RTL9: variants seen among roughly 807,000 people sequenced by gnomAD.
RTL9 encodes retrotransposon Gag like 9.
RTL9 carries 19 observed loss-of-function variants against 44.7 expected under a neutral mutation model. The observed-to-expected ratio is 0.42, with a 90% CI of 0.30 to 0.62. The LOEUF is 0.62. RTL9 is among the 20% of genes least tolerant of loss of function. The probability of loss-of-function intolerance (pLI) is 0.16; values close to 1 mark genes in which losing one functional copy is unlikely to be tolerated. For missense variants in RTL9, 1,105 were observed against 1,080.6 expected (o/e 1.02, Z -0.32); for synonymous variants, 407 against 398.9 (o/e 1.02, Z -0.24).
intron 1 of RTL9, among the ~76,000 whole-genome samples, chrX:110,367,316 T>G (rs986864271): frequency 8.9e-6 from 1 of 111,989 alleles, no homozygotes; most frequent in Non-Finnish European, 1.9e-5. Context: ...CGTTCCAATT[T>G]CTCTCCTCTC....
intron 1 of RTL9, among the ~76,000 whole-genome samples, chrX:110,407,803 T>G (rs1282255604): frequency 4.4e-5 from 5 of 112,546 alleles, no homozygotes; most frequent in Admixed American, 3.7e-4. Flanking sequence ...CTCATTTTCT[T>G]TCTATTTGCA....
At chrX:110,395,524 G>A (rs1238719690) in intron 1 of RTL9, among the ~76,000 whole-genome samples, 1 of 112,579 alleles carries the variant, frequency 8.9e-6, no homozygotes, top group Non-Finnish European at 1.9e-5. Flanking sequence ...TTTAACAGAA[G>A]AGGATACAAA....
intron 1 of RTL9, among the ~76,000 whole-genome samples, chrX:110,412,873 T>C (rs2068650312): frequency 8.9e-6 from 1 of 112,316 alleles, no homozygotes; most frequent in South Asian, 3.7e-4. Flanking sequence ...CTGTCAACAC[T>C]GGGGAGTAGA....
At chrX:110,373,079 A>G (rs927033688) in intron 1 of RTL9, among the ~76,000 whole-genome samples, 3 of 111,920 alleles carry the variant, frequency 2.7e-5, no homozygotes, top group African/African-American at 9.7e-5. Flanking sequence ...CATCACAGAA[A>G]CCCTATGATA....
chrX:110,360,072 A>G (rs2068253037), intron 1 of RTL9, among the ~76,000 whole-genome samples: 1 of 111,830 alleles, frequency 8.9e-6, no homozygotes, highest in South Asian at 3.8e-4. Flanking sequence ...AGAGGCAAGC[A>G]TTCTAGGAGT....
At chrX:110,400,680 T>C (rs2068558427) in intron 1 of RTL9, among the ~76,000 whole-genome samples, 1 of 112,113 alleles carries the variant, frequency 8.9e-6, no homozygotes, top group Non-Finnish European at 1.9e-5. Context: ...ATTTTCTCTG[T>C]GAAGCTTTCT....
intron 1 of RTL9, among the ~76,000 whole-genome samples, chrX:110,444,709 G>A (rs1167226512): frequency 5.3e-5 from 6 of 112,184 alleles, no homozygotes; most frequent in African/African-American, 1.3e-4. Context: ...GCAAGTCTGG[G>A]AACCTGGTCT....
chrX:110,444,557 C>T (rs1194038439), intron 1 of RTL9, among the ~76,000 whole-genome samples: 3 of 112,321 alleles, frequency 2.7e-5, no homozygotes, highest in African/African-American at 6.5e-5. Flanking sequence ...AGGTTATTTC[C>T]TTCTCTTTTG....
rs753036871 is a variant in RTL9, at chrX:110,404,362, T to G, written c.-167-40791T>G. 4.5e-5 allele frequency among the ~76,000 whole-genome samples: 5 copies of G among 111,817 alleles called. No homozygotes were observed. The East Asian group carries it at 1.4e-3, about 31-fold the overall frequency. Reference sequence around the variant, plus strand: ...ATAGGGCTGCAAAGAGCCCAGCTATTACACATAATAGGCCTCTGGTTTCTA... The same window carrying G: ...ATAGGGCTGCAAAGAGCCCAGCTATGACACATAATAGGCCTCTGGTTTCTA... On this transcript the variant is annotated intron_variant, in intron 1 of 2. Transcript: ENST00000520821.
intron 1 of RTL9, among the ~76,000 whole-genome samples, chrX:110,390,024 A>G (rs1329470153): frequency 9.0e-6 from 1 of 111,718 alleles, no homozygotes; most frequent in Non-Finnish European, 1.9e-5. Context: ...ATTAACCATT[A>G]GTTGTTTTTT....
chrX:110,404,735 A>G (rs2068586746), intron 1 of RTL9, among the ~76,000 whole-genome samples: 1 of 111,549 alleles, frequency 9.0e-6, no homozygotes, highest in South Asian at 3.8e-4. Flanking sequence ...CATTAAATTC[A>G]GGGAGTGAAC....
At position 110,453,645 on chromosome X, in the gene RTL9, G is replaced by A. The variant is rs148401387; in HGVS notation, c.3028G>A (p.Val1010Met). Reference sequence around the variant, plus strand: ...GTCCTTGTCACAAACAACATATACCGTGTCTGGAAGGATGGCCACAGCGCC... The same window carrying A: ...GTCCTTGTCACAAACAACATATACCATGTCTGGAAGGATGGCCACAGCGCC... The change falls in exon 1 of 2, where the codon GTG (valine) becomes ATG (methionine). Residue 1010 changes from valine to methionine, a missense_variant. Coordinates refer to ENST00000540313, the Ensembl canonical transcript of RTL9. 5.1e-5 allele frequency: 62 copies of A among 1,210,468 alleles called. 1 individual carries two copies. In the African/African-American group the frequency reaches 5.2e-4, roughly 10 times the overall value.
chrX:110,427,581 C>T (rs754946388), intron 1 of RTL9, among the ~76,000 whole-genome samples: 1 of 111,941 alleles, frequency 8.9e-6, no homozygotes, highest in East Asian at 2.8e-4. Context: ...AGTTCTAATG[C>T]CTCTCCTGCA....
At chrX:110,386,906 A>G (rs2068459403) in intron 1 of RTL9, among the ~76,000 whole-genome samples, 1 of 112,431 alleles carries the variant, frequency 8.9e-6, no homozygotes, top group Non-Finnish European at 1.9e-5. Flanking sequence ...AACTTAAATA[A>G]TTATAACATG....
chrX:110,374,463 T>A (rs1406875426), intron 1 of RTL9, among the ~76,000 whole-genome samples: 1 of 112,171 alleles, frequency 8.9e-6, no homozygotes, highest in Non-Finnish European at 1.9e-5. Flanking sequence ...TCTATTTATT[T>A]ATATATTTGT....
intron 1 of RTL9, among the ~76,000 whole-genome samples, chrX:110,372,465 T>C (rs765267204): frequency 1.8e-5 from 2 of 112,008 alleles, no homozygotes; most frequent in Non-Finnish European, 3.8e-5. Context: ...TTTGTGTACA[T>C]AAAATGTAGA....
intron 1 of RTL9, among the ~76,000 whole-genome samples, chrX:110,422,344 C>T (rs780532963): frequency 8.9e-6 from 1 of 112,851 alleles, no homozygotes; most frequent in East Asian, 2.8e-4. Flanking sequence ...CTCAGTGTAA[C>T]CACAGGCAGA....
chrX:110,451,457 T>A (rs2073787), exon 1 of RTL9: 480,533 of 1,208,453 alleles, frequency 0.4, 72,226 homozygotes, highest in African/African-American at 0.76. Context: ...CTTCTGGAGG[T>A]ACATCACCCC....
intron 1 of RTL9, among the ~76,000 whole-genome samples, chrX:110,441,559 G>A (rs2068880111): frequency 8.9e-6 from 1 of 112,429 alleles, no homozygotes; most frequent in Admixed American, 9.4e-5. Flanking sequence ...AGCTAGACAT[G>A]TTTTACAGTT....
Sources: gnomAD v4.1 joint callset for allele counts (sites outside exome capture counted in the v4.1 genomes callset) on GRCh38, gnomAD v4.1.1 for gene constraint, MANE v1.5 for transcripts, NCBI Gene and HGNC (gene_info 2026-07-23, HGNC 2026-07-21) for gene names.